STK32B: variants seen among roughly 807,000 people sequenced by gnomAD.
STK32B encodes serine/threonine-protein kinase 32B.
In STK32B, 43 loss-of-function variants were observed where a neutral mutation model predicts 52.6. That is an observed-to-expected ratio of 0.82 (90% CI 0.64 to 1.05). The LOEUF (loss-of-function observed/expected upper bound fraction) is 1.05, where lower values mean the gene tolerates loss of function less well. Ranked by LOEUF, STK32B falls within the 50% of genes least tolerant of loss-of-function variation. The pLI is 0.00. For missense variants in STK32B, 621 were observed against 534.6 expected (o/e 1.16, Z -1.59); for synonymous variants, 238 against 204.3 (o/e 1.17, Z -1.41).
intron 1 of STK32B, among the ~76,000 whole-genome samples, chr4:5,128,361 T>C (rs182914204): frequency 6.6e-5 from 10 of 152,364 alleles, no homozygotes; most frequent in African/African-American, 1.4e-4. Flanking sequence ...TTAATTCTTA[T>C]TGTCTCTCAA....
intron 5 of STK32B, among the ~76,000 whole-genome samples, chr4:5,402,560 G>T (rs779597752): frequency 6.6e-5 from 10 of 152,210 alleles, no homozygotes; most frequent in Admixed American, 1.3e-4. Context: ...ACCACAGAAG[G>T]CAGAGTCCCT....
intron 3 of STK32B, among the ~76,000 whole-genome samples, chr4:5,265,859 A>G (rs1318184445): frequency 1.3e-5 from 2 of 152,116 alleles, no homozygotes; most frequent in Non-Finnish European, 2.9e-5. Context: ...GTTGATTTTA[A>G]TAGCACATAA....
intron 1 of STK32B, among the ~76,000 whole-genome samples, chr4:5,067,526 G>T (rs936844352): frequency 1.3e-5 from 2 of 152,114 alleles, no homozygotes; most frequent in Admixed American, 6.5e-5. Context: ...AAGGTTACAG[G>T]TTCCTTCCCA....
At chr4:5,413,622 A>T (rs949091128) in intron 5 of STK32B, among the ~76,000 whole-genome samples, 1 of 152,254 alleles carries the variant, frequency 6.6e-6, no homozygotes, top group African/African-American at 2.4e-5. Flanking sequence ...AAACTTCTTT[A>T]TAGCAAAAGG....
the STK32B span, among the ~76,000 whole-genome samples, chr4:5,037,897 G>C: frequency 6.6e-6 from 1 of 152,138 alleles, no homozygotes; most frequent in Non-Finnish European, 1.5e-5. Flanking sequence ...GGCATGTAAT[G>C]GGCACATGTT....
At chr4:5,381,279 G>A (rs1735917426) in intron 4 of STK32B, among the ~76,000 whole-genome samples, 1 of 152,204 alleles carries the variant, frequency 6.6e-6, no homozygotes, top group Admixed American at 6.5e-5. Context: ...TGCTGTCCCT[G>A]TTTGATGGAT....
At chr4:5,271,139 T>C (rs1436893917) in intron 3 of STK32B, among the ~76,000 whole-genome samples, 1 of 152,184 alleles carries the variant, frequency 6.6e-6, no homozygotes, top group Non-Finnish European at 1.5e-5. Flanking sequence ...GGTTTCACCA[T>C]GTTGGCCAAG....
At chr4:5,471,467 G>A (rs565192489) in intron 11 of STK32B, among the ~76,000 whole-genome samples, 14 of 152,114 alleles carry the variant, frequency 9.2e-5, no homozygotes, top group Admixed American at 3.9e-4. Flanking sequence ...GGACTGGAGC[G>A]GATTCTCCCT....
At chr4:5,382,000 G>A (rs1270461899) in intron 4 of STK32B, among the ~76,000 whole-genome samples, 1 of 152,298 alleles carries the variant, frequency 6.6e-6, no homozygotes, top group East Asian at 1.9e-4. Context: ...AAGAGCTGAT[G>A]TTGCAGTTCA....
At chr4:5,336,116 G>A (rs1351028285) in intron 4 of STK32B, among the ~76,000 whole-genome samples, 4 of 147,444 alleles carry the variant, frequency 2.7e-5, no homozygotes, top group Non-Finnish European at 4.5e-5. Flanking sequence ...ACTAACAATG[G>A]CAATGTTATC....
intron 1 of STK32B, among the ~76,000 whole-genome samples, chr4:5,075,143 A>C (rs1261312084): frequency 1.3e-5 from 2 of 152,162 alleles, no homozygotes; most frequent in Non-Finnish European, 2.9e-5. Flanking sequence ...TTATTTCTTT[A>C]GTATAAATTC....
intron 3 of STK32B, among the ~76,000 whole-genome samples, chr4:5,265,187 C>T (rs1443605851): frequency 6.6e-6 from 1 of 152,202 alleles, no homozygotes; most frequent in Non-Finnish European, 1.5e-5. Context: ...TAATAAATTT[C>T]TTTGGTCCTT....
In STK32B at chr4:5,231,725, C is replaced by A. The variant is rs373927452; in HGVS notation, c.260+63275C>A. On this transcript the variant is annotated intron_variant, in intron 3 of 11. Transcript: ENST00000282908. ...GTTGGAAAAGAAAAAAACTGATGAC[C>A]AAGGGCTGAGGACCGATGGTCAGGG... Among the ~76,000 whole-genome samples, 51 of 152,124 alleles carry A rather than the reference C, an allele frequency of 3.4e-4. No individual in the cohort carries two copies. In the South Asian group the frequency reaches 0.01, roughly 31 times the overall value.
chr4:5,316,200 TATA>T lies in STK32B; in HGVS notation c.261-15016_261-15014del, dbSNP rs576985974. On this transcript the variant is annotated intron_variant, in intron 3 of 11. Coordinates refer to ENST00000282908, the MANE Select transcript of STK32B (RefSeq NM_018401.3). Reference sequence around the variant, plus strand: ...ATAACTAAATATATATATTTAGATATATAATATATATTACATAATATATTATAT... The same window carrying T: ...ATAACTAAATATATATATTTAGATATATATATATTACATAATATATTATAT... Among the ~76,000 whole-genome samples, 390 of 96,622 alleles carry T rather than the reference TATA, an allele frequency of 4.0e-3. 29 individuals carry two copies. The highest frequency in any genetic ancestry group is 0.012 in the African/African-American group (240 of 20,668). The allele number at this position is 96,622 out of a possible 152,430, so 63.4% of individuals were successfully genotyped here.
At chr4:5,368,616 G>C (rs1735027695) in intron 4 of STK32B, among the ~76,000 whole-genome samples, 1 of 152,218 alleles carries the variant, frequency 6.6e-6, no homozygotes, top group South Asian at 2.1e-4. Flanking sequence ...TGTAAACCCA[G>C]GTAGCCTTGG....
At chr4:5,433,206 G>T (rs981891879) in intron 6 of STK32B, among the ~76,000 whole-genome samples, 3 of 152,198 alleles carry the variant, frequency 2.0e-5, no homozygotes, top group Non-Finnish European at 4.4e-5. Context: ...TTCTGGAAGG[G>T]AAAATAAGTC....
At chr4:5,335,021 T>G (rs955120517) in intron 4 of STK32B, among the ~76,000 whole-genome samples, 1 of 152,086 alleles carries the variant, frequency 6.6e-6, no homozygotes, top group African/African-American at 2.4e-5. Flanking sequence ...TCCCTCTTTT[T>G]CTATTGATTG....
intron 11 of STK32B, among the ~76,000 whole-genome samples, chr4:5,474,847 T>C (rs1718112855): frequency 6.6e-6 from 1 of 152,146 alleles, no homozygotes; most frequent in Non-Finnish European, 1.5e-5. Flanking sequence ...ACTTGAATGG[T>C]GTCTCTGAAA....
At chr4:5,317,533 T>TTAGATATA (rs1438485553) in intron 3 of STK32B, among the ~76,000 whole-genome samples, 1 of 100,756 alleles carries the variant, frequency 9.9e-6, no homozygotes, top group African/African-American at 6.7e-5. Flanking sequence ...TATATATATA[T>TTAGATATA]TACATGTATA....
Sources: allele counts gnomAD v4.1 joint callset (sites outside exome capture counted in the v4.1 genomes callset), GRCh38; gene constraint gnomAD v4.1.1; transcripts MANE v1.5; gene names NCBI Gene and HGNC (gene_info 2026-07-23, HGNC 2026-07-21).